PAM: variants seen among roughly 807,000 people sequenced by gnomAD.
PAM encodes peptidyl-glycine alpha-amidating monooxygenase.
In PAM, 72 loss-of-function variants were observed where a neutral mutation model predicts 122.1. The observed-to-expected ratio is 0.59, with a 90% CI of 0.49 to 0.72. The LOEUF is 0.72. PAM is among the 30% of genes least tolerant of loss of function. The pLI, the probability that PAM is intolerant of heterozygous loss-of-function variation, is 0.00. For missense variants in PAM, 1,106 were observed against 1,183.7 expected, an observed-to-expected ratio of 0.93 and a Z score of 0.96; for synonymous variants, 389 against 404.4, an observed-to-expected ratio of 0.96 and a Z score of 0.46.
At chr5:103,002,769 GA>G (rs1385676228) in intron 16 of PAM, among the ~76,000 whole-genome samples, 1 of 152,098 alleles carries the variant, frequency 6.6e-6, no homozygotes, top group Non-Finnish European at 1.5e-5. Flanking sequence ...AGGGTCTTGT[GA>G]AAATGCAGAT....
At chr5:102,984,586 T>C (rs1461665255) in intron 15 of PAM, among the ~76,000 whole-genome samples, 1 of 152,120 alleles carries the variant, frequency 6.6e-6, no homozygotes, top group East Asian at 1.9e-4. Flanking sequence ...TGCACAGAGA[T>C]ATATAAAGGA....
At chr5:102,764,342 C>G (rs1026675324) in intron 1 of PAM, among the ~76,000 whole-genome samples, 1 of 151,400 alleles carries the variant, frequency 6.6e-6, no homozygotes, top group Non-Finnish European at 1.5e-5. Flanking sequence ...AAAAATTAGG[C>G]AAATAAGGGA....
intron 21 of PAM, among the ~76,000 whole-genome samples, chr5:103,012,197 T>C (rs1478505132): frequency 3.3e-5 from 5 of 152,194 alleles, no homozygotes; most frequent in Non-Finnish European, 5.9e-5. Context: ...CAATTTTTTT[T>C]CCTCATTCTG....
chr5:102,999,086 A>G (rs1251470277), intron 16 of PAM, among the ~76,000 whole-genome samples: 2 of 152,228 alleles, frequency 1.3e-5, no homozygotes, highest in East Asian at 3.9e-4. Flanking sequence ...TAAAACCACC[A>G]GATCGCATGA....
chr5:102,960,886 T>C (rs898626570), intron 13 of PAM, among the ~76,000 whole-genome samples: 1 of 133,712 alleles, frequency 7.5e-6, no homozygotes. Flanking sequence ...ATTTTGTCAA[T>C]GCATTTTGAA....
At chr5:102,978,535 A>G (rs1273250723) in intron 15 of PAM, among the ~76,000 whole-genome samples, 1 of 152,150 alleles carries the variant, frequency 6.6e-6, no homozygotes. Flanking sequence ...TTGGACTACC[A>G]CATACTTGCA....
chr5:102,830,080 G>A (rs1238588108), intron 1 of PAM, among the ~76,000 whole-genome samples: 1 of 152,108 alleles, frequency 6.6e-6, no homozygotes, highest in African/African-American at 2.4e-5. Flanking sequence ...CCTGTACTGG[G>A]GCTTATGTGC....
At chr5:102,965,484 T>C (rs925747149) in intron 14 of PAM, among the ~76,000 whole-genome samples, 1 of 151,922 alleles carries the variant, frequency 6.6e-6, no homozygotes, top group African/African-American at 2.4e-5. Flanking sequence ...GTCTGTTGTA[T>C]TGGGAAGATT....
At chr5:102,953,142 C>T (rs1447624055) in intron 12 of PAM, among the ~76,000 whole-genome samples, 1 of 152,130 alleles carries the variant, frequency 6.6e-6, no homozygotes, top group East Asian at 1.9e-4. Flanking sequence ...TCAAGCTTAA[C>T]TGTATTAAGC....
At chr5:102,945,211 G>A (rs1016142812) in intron 7 of PAM, among the ~76,000 whole-genome samples, 4 of 151,882 alleles carry the variant, frequency 2.6e-5, no homozygotes, top group African/African-American at 9.7e-5. Flanking sequence ...AATCTATTGA[G>A]TATTAAGTAC....
chr5:102,895,513 G>A (rs1270411006), intron 3 of PAM, among the ~76,000 whole-genome samples: 1 of 151,690 alleles, frequency 6.6e-6, no homozygotes, highest in African/African-American at 2.4e-5. Flanking sequence ...AGATTTAAAG[G>A]TAGGCAAGTA....
chr5:102,775,454 C>A (rs779225494), intron 1 of PAM, among the ~76,000 whole-genome samples: 5 of 152,010 alleles, frequency 3.3e-5, no homozygotes, highest in Non-Finnish European at 7.4e-5. Flanking sequence ...AGGTATTAAG[C>A]CCCACATGCA....
At chr5:102,871,008 T>C (rs1035738485) in intron 3 of PAM, among the ~76,000 whole-genome samples, 11 of 152,236 alleles carry the variant, frequency 7.2e-5, no homozygotes, top group Non-Finnish European at 1.3e-4. Context: ...ATCCCTTTGG[T>C]GTTGGATTTC....
At chr5:102,944,368 G>A (rs1164692759) in intron 7 of PAM, among the ~76,000 whole-genome samples, 1 of 152,050 alleles carries the variant, frequency 6.6e-6, no homozygotes, top group African/African-American at 2.4e-5. Context: ...GTATTTGCCT[G>A]TGTACCTTTG....
At chr5:102,866,724 T>C (rs984712170) in intron 2 of PAM, 2 of 155,130 alleles carry the variant, frequency 1.3e-5, no homozygotes, top group African/African-American at 4.8e-5. Flanking sequence ...TATGTACTTG[T>C]ACATTTGTAA....
intron 24 of PAM, among the ~76,000 whole-genome samples, chr5:103,026,382 G>A (rs1784946151): frequency 6.6e-6 from 1 of 152,114 alleles, no homozygotes; most frequent in Admixed American, 6.6e-5. Flanking sequence ...CCCTGACACA[G>A]AAAAAGGCAT....
At chr5:102,810,699 A>G (rs1384870536) in intron 1 of PAM, among the ~76,000 whole-genome samples, 1 of 152,098 alleles carries the variant, frequency 6.6e-6, no homozygotes, top group African/African-American at 2.4e-5. Context: ...GTGGTGGCGC[A>G]TGCCTGTAAT....
intron 14 of PAM, among the ~76,000 whole-genome samples, chr5:102,971,868 G>T (rs899493221): frequency 6.6e-6 from 1 of 152,066 alleles, no homozygotes; most frequent in Non-Finnish European, 1.5e-5. Context: ...TTTCTGGTTT[G>T]CACATAGGAA....
chr5:102,882,568 C>T (rs7729022), intron 3 of PAM, among the ~76,000 whole-genome samples: 18,307 of 151,058 alleles, frequency 0.12, 2,640 homozygotes, highest in African/African-American at 0.34. Flanking sequence ...TTTGATGGGA[C>T]TTTTTGTTTC....
Sources: gnomAD v4.1 joint callset for allele counts (sites outside exome capture counted in the v4.1 genomes callset) on GRCh38, gnomAD v4.1.1 for gene constraint, MANE v1.5 for transcripts, NCBI Gene and HGNC (gene_info 2026-07-23, HGNC 2026-07-21) for gene names.